Variants in GALNT17 observed in about 807,000 individuals in gnomAD.
GALNT17 encodes the protein UDP-GalNAc:polypeptide N-acetylgalactosaminyltransferase-like 3.
Under a neutral mutation model 63.7 loss-of-function variants are expected in GALNT17, and 29 were observed. The observed-to-expected ratio is 0.46, with a 90% confidence interval of 0.34 to 0.62. The LOEUF is 0.62. Ranked by LOEUF, GALNT17 falls within the 20% of genes least tolerant of loss-of-function variation. The pLI is 0.01. For missense variants in GALNT17, 603 were observed against 799.6 expected, an observed-to-expected ratio of 0.75 and a Z score of 2.97; for synonymous variants, 305 against 318.3, an observed-to-expected ratio of 0.96 and a Z score of 0.45.
At chr7:71,444,985 C>T (rs548250169) in intron 5 of GALNT17, among the ~76,000 whole-genome samples, 145 of 152,088 alleles carry the variant, frequency 9.5e-4, no homozygotes, top group South Asian at 3.5e-3. Context: ...TTCTCCAAAG[C>T]GGTGTCTCTG....
intron 2 of GALNT17, among the ~76,000 whole-genome samples, chr7:71,371,509 T>C (rs1054648723): frequency 1.5e-4 from 23 of 152,236 alleles, no homozygotes; most frequent in Non-Finnish European, 2.9e-4. Context: ...CTTTGAGTTT[T>C]CATTATTTGA....
chr7:71,165,588 A>T (rs560712368), intron 1 of GALNT17, among the ~76,000 whole-genome samples: 83 of 152,254 alleles, frequency 5.5e-4, no homozygotes, highest in African/African-American at 1.9e-3. Context: ...TGATTCAGTT[A>T]TCTCCCACCG....
At chr7:71,500,724 C>G (rs538360672) in intron 5 of GALNT17, among the ~76,000 whole-genome samples, 74 of 152,238 alleles carry the variant, frequency 4.9e-4, no homozygotes, top group Admixed American at 1.1e-3. Context: ...TTCCCCTTAT[C>G]TTTTAGATTC....
chr7:71,483,946 G>A (rs1787865210), intron 5 of GALNT17, among the ~76,000 whole-genome samples: 2 of 151,966 alleles, frequency 1.3e-5, no homozygotes, highest in South Asian at 4.2e-4. Context: ...GGTCAGGATC[G>A]TCAATATCAC....
chr7:71,669,480 C>T (rs1337984443), intron 7 of GALNT17, among the ~76,000 whole-genome samples: 1 of 151,804 alleles, frequency 6.6e-6, no homozygotes, highest in Non-Finnish European at 1.5e-5. Flanking sequence ...CACTGCATTC[C>T]AGCCTGGGTG....
chr7:71,639,377 T>C (rs2117004128), intron 6 of GALNT17, among the ~76,000 whole-genome samples: 1 of 152,304 alleles, frequency 6.6e-6, no homozygotes, highest in East Asian at 1.9e-4. Context: ...TTAAGAGAAA[T>C]GTAACCATCT....
chr7:71,490,314 G>T (rs1787986492), intron 5 of GALNT17, among the ~76,000 whole-genome samples: 1 of 151,628 alleles, frequency 6.6e-6, no homozygotes, highest in South Asian at 2.1e-4. Context: ...TGATCTCTGT[G>T]CCTGTTTTCG....
chr7:71,167,968 C>T (rs1254536605), intron 1 of GALNT17, among the ~76,000 whole-genome samples: 1 of 152,210 alleles, frequency 6.6e-6, no homozygotes, highest in African/African-American at 2.4e-5. Context: ...CCTCACCCGG[C>T]TTCCTTTTAT....
At chr7:71,326,914 T>C (rs1310026995) in intron 1 of GALNT17, among the ~76,000 whole-genome samples, 1 of 152,210 alleles carries the variant, frequency 6.6e-6, no homozygotes, top group Non-Finnish European at 1.5e-5. Context: ...ATTCTCTTCT[T>C]TGTGACCATA....
rs138437428 is a variant in GALNT17 at position 71,311,431 on chromosome 7, G to A, written c.239-24119G>A. ...TGGAGATAGCTTAACAGTAAGAAGT[G>A]AGCTAAGGGTGCTGTTATTGCAAGA... is the stretch of plus-strand genomic sequence containing the variant. On this transcript the variant is annotated intron_variant, in intron 1 of 10. Transcript: ENST00000333538. Among the ~76,000 whole-genome samples, 28 of 152,272 alleles carry A rather than the reference G, an allele frequency of 1.8e-4. No individual in the cohort carries two copies. In the East Asian group the frequency reaches 5.2e-3, roughly 28 times the overall value.
chr7:71,355,677 C>T (rs1016929388), intron 2 of GALNT17, among the ~76,000 whole-genome samples: 1 of 151,686 alleles, frequency 6.6e-6, no homozygotes, highest in African/African-American at 2.4e-5. Context: ...GATTCACAGG[C>T]GTCTAACACT....
chr7:71,601,809 G>C (rs1463625946), intron 6 of GALNT17, among the ~76,000 whole-genome samples: 2 of 152,066 alleles, frequency 1.3e-5, no homozygotes, highest in Non-Finnish European at 2.9e-5. Flanking sequence ...AATAAAATAA[G>C]AAAACTGAAA....
At chr7:71,591,053 G>A (rs897096089) in intron 6 of GALNT17, among the ~76,000 whole-genome samples, 1 of 148,414 alleles carries the variant, frequency 6.7e-6, no homozygotes, top group East Asian at 2.0e-4. Flanking sequence ...GAGCCACCGC[G>A]CCTGGCCATT....
At chr7:71,555,491 A>G (rs6973274) in intron 5 of GALNT17, among the ~76,000 whole-genome samples, 38,801 of 148,178 alleles carry the variant, frequency 0.26, 5,076 homozygotes, top group Admixed American at 0.31. Context: ...ACCATTCATG[A>G]GGGGTCTGCC....
At chr7:71,653,851 A>G (rs962234830) in intron 6 of GALNT17, among the ~76,000 whole-genome samples, 6 of 151,782 alleles carry the variant, frequency 4.0e-5, no homozygotes, top group African/African-American at 1.5e-4. Flanking sequence ...CATGGACATG[A>G]CCTCCTCCAG....
chr7:71,137,172 C>A (rs1302090096), intron 1 of GALNT17, among the ~76,000 whole-genome samples: 3 of 130,492 alleles, frequency 2.3e-5, no homozygotes, highest in Non-Finnish European at 4.7e-5. Context: ...CAGAGTCTTG[C>A]TCTGTCACCC....
chr7:71,677,904 T>TCCGG (rs1428813174), intron 9 of GALNT17, among the ~76,000 whole-genome samples: 11 of 152,038 alleles, frequency 7.2e-5, no homozygotes. Context: ...CCGGTAGTTC[T>TCCGG]CAATGTCCAG....
At chr7:71,259,023 C>T (rs1000659054) in intron 1 of GALNT17, among the ~76,000 whole-genome samples, 2 of 152,050 alleles carry the variant, frequency 1.3e-5, no homozygotes, top group Admixed American at 1.3e-4. Flanking sequence ...GAGGGGACCT[C>T]TTCTAGTTGT....
intron 1 of GALNT17, among the ~76,000 whole-genome samples, chr7:71,158,076 T>C (rs1240108869): frequency 6.6e-6 from 1 of 151,836 alleles, no homozygotes; most frequent in African/African-American, 2.4e-5. Flanking sequence ...TGAATAGTGC[T>C]GCAATAAACA....
Sources: allele counts gnomAD v4.1 joint callset (sites outside exome capture counted in the v4.1 genomes callset), GRCh38; gene constraint gnomAD v4.1.1; transcripts MANE v1.5; gene names NCBI Gene and HGNC (gene_info 2026-07-23, HGNC 2026-07-21).